CAMTA1: variants seen among roughly 807,000 people sequenced by gnomAD.
CAMTA1 encodes calmodulin-binding transcription activator 1.
Under a neutral mutation model 170.9 loss-of-function variants are expected in CAMTA1, and 27 were observed. That is an observed-to-expected ratio of 0.16 (90% CI 0.12 to 0.22). The LOEUF is 0.22. Ranked by LOEUF, CAMTA1 falls within the 10% of genes least tolerant of loss-of-function variation. CAMTA1 has a pLI of 1.00. For missense variants in CAMTA1, 1,619 were observed against 2,217.2 expected, an observed-to-expected ratio of 0.73 and a Z score of 5.42; for synonymous variants, 833 against 891.5, an observed-to-expected ratio of 0.93 and a Z score of 1.17.
At chr1:7,285,092 A>G (rs1228211678) in intron 5 of CAMTA1, among the ~76,000 whole-genome samples, 2 of 152,204 alleles carry the variant, frequency 1.3e-5, no homozygotes, top group Non-Finnish European at 2.9e-5. Context: ...CCCAGTGGCC[A>G]TGCGTCCTAG....
At chr1:7,550,413 C>T (rs892862802) in intron 6 of CAMTA1, among the ~76,000 whole-genome samples, 1 of 152,064 alleles carries the variant, frequency 6.6e-6, no homozygotes, top group East Asian at 2.0e-4. Context: ...CCCAGGGCCT[C>T]CCACTGCCTG....
At position 7,010,443 on chromosome 1, in the gene CAMTA1, A is replaced by AC. The variant is rs1699620522; in HGVS notation, c.235-80861_235-80860insC. 1.3e-5 allele frequency among the ~76,000 whole-genome samples: 2 copies of AC among 152,188 alleles called. No individual in the cohort carries two copies. The highest frequency in any genetic ancestry group is 4.8e-5 in the African/African-American group (2 of 41,460). On this transcript the variant is annotated intron_variant, in intron 3 of 22. Transcript: ENST00000303635. This position sits in a 1 kb window ranked among gnomAD's most constrained non-coding sequence, Gnocchi z 4.4. The stretch of plus-strand genomic sequence containing the variant: ...TCACTCCCAGGTCATGTCAGTCCTG[A>AC]GGATGCCAGGAGACGCTTTCTGAAC...
At chr1:7,523,945 G>A (rs1438570874) in intron 6 of CAMTA1, among the ~76,000 whole-genome samples, 1 of 150,498 alleles carries the variant, frequency 6.6e-6, no homozygotes, top group Non-Finnish European at 1.5e-5. Context: ...GCTCATGCCT[G>A]TAATCCCAGC....
intron 4 of CAMTA1, among the ~76,000 whole-genome samples, chr1:7,140,161 C>T (rs1041158242): frequency 1.3e-5 from 2 of 152,114 alleles, no homozygotes; most frequent in African/African-American, 2.4e-5. Context: ...AGCCAGGATT[C>T]GAACCAGGGC....
intron 5 of CAMTA1, among the ~76,000 whole-genome samples, chr1:7,330,612 C>T (rs2082966803): frequency 6.6e-6 from 1 of 152,168 alleles, no homozygotes; most frequent in Non-Finnish European, 1.5e-5. Flanking sequence ...TGAGTTGACC[C>T]CAGTCTCGGA....
Position 7,463,044 on chromosome 1 carries a change from T to C in CAMTA1, c.439-4786T>C, listed in dbSNP as rs1309771350. Among the ~76,000 whole-genome samples the C allele has an allele frequency of 6.6e-6, 1 of 152,054 alleles. No homozygotes were observed. Among genetic ancestry groups the C allele is most frequent in the African/African-American group, 2.4e-5 (1 of 41,392 alleles). On this transcript the variant is annotated intron_variant, in intron 5 of 22. Coordinates refer to ENST00000303635, the MANE Select transcript of CAMTA1 (RefSeq NM_015215.4). The surrounding 1 kb of genome is among the most constrained non-coding windows in gnomAD (Gnocchi z 4.7). ...AGGCAGCACAGGGAGGTTGTCCTGG[T>C]GAATGGCACTGTGTGCGGCAGAGCC...
chr1:7,144,725 A>G lies in CAMTA1; in HGVS notation c.302+53354A>G, dbSNP rs1646085081. ...TTCCTTCTACCAGTCCTGTCTGGTAATCTCTATAAGCATCCCAAACTAGTA... is the reference window on the plus strand; with the variant it reads ...TTCCTTCTACCAGTCCTGTCTGGTAGTCTCTATAAGCATCCCAAACTAGTA... On this transcript the variant is annotated intron_variant, in intron 4 of 22. Coordinates refer to ENST00000303635, the MANE Select transcript of CAMTA1 (RefSeq NM_015215.4). This position sits in a 1 kb window ranked among gnomAD's most constrained non-coding sequence, Gnocchi z 4.0. 6.6e-6 allele frequency among the ~76,000 whole-genome samples: 1 copy of G among 152,214 alleles called. No homozygotes were observed. The highest frequency in any genetic ancestry group is 1.9e-4 in the East Asian group (1 of 5,200).
intron 6 of CAMTA1, among the ~76,000 whole-genome samples, chr1:7,556,391 G>A (rs1220050340): frequency 3.9e-5 from 6 of 152,206 alleles, no homozygotes; most frequent in African/African-American, 1.4e-4. Context: ...AGAGGTCAAA[G>A]CATCAGAAAT....
At chr1:7,198,902 C>T (rs1283692397) in intron 4 of CAMTA1, among the ~76,000 whole-genome samples, 1 of 152,178 alleles carries the variant, frequency 6.6e-6, no homozygotes, top group African/African-American at 2.4e-5. Flanking sequence ...GGCAGGAGCA[C>T]ACAGGCCCCC....
Position 7,364,447 on chromosome 1 carries a change from CTT to C in CAMTA1, c.439-103370_439-103369del, listed in dbSNP as rs5772274. Among the ~76,000 whole-genome samples, 325 of 144,376 alleles carry C rather than the reference CTT, an allele frequency of 2.3e-3. 3 individuals are homozygous for C. Among genetic ancestry groups the C allele is most frequent in the Non-Finnish European group, 1.8e-3 (117 of 66,248 alleles). The allele number at this position is 144,376 out of a possible 152,430, so 94.7% of individuals were successfully genotyped here. On this transcript the variant is annotated intron_variant, in intron 5 of 22. Coordinates refer to ENST00000303635, the MANE Select transcript of CAMTA1 (RefSeq NM_015215.4). The stretch of plus-strand genomic sequence containing the variant: ...GGGGCACACAGGTTCCCTTGTGACT[CTT>C]TTTTTTTTTTTTCTGAGACAAGGAC...
At chr1:7,202,502 T>A (rs1455338258) in intron 4 of CAMTA1, among the ~76,000 whole-genome samples, 1 of 152,206 alleles carries the variant, frequency 6.6e-6, no homozygotes, top group Non-Finnish European at 1.5e-5. Context: ...CGATGTTAAG[T>A]TTTCTGACCC....
At chr1:7,220,233 T>C (rs1263365446) in intron 4 of CAMTA1, among the ~76,000 whole-genome samples, 2 of 152,206 alleles carry the variant, frequency 1.3e-5, no homozygotes. Context: ...GTGAGATGAA[T>C]ACATGGAGTA....
intron 5 of CAMTA1, among the ~76,000 whole-genome samples, chr1:7,329,976 G>A (rs2082921314): frequency 6.6e-6 from 1 of 152,120 alleles, no homozygotes; most frequent in Admixed American, 6.5e-5. Flanking sequence ...GGGTAACAAC[G>A]GCCACAGATA....
chr1:7,039,507 C>T (rs888231995), intron 3 of CAMTA1, among the ~76,000 whole-genome samples: 2 of 78,254 alleles, frequency 2.6e-5, no homozygotes, highest in Non-Finnish European at 4.9e-5. Context: ...GAACCATTGT[C>T]CAAGAGCCTC....
chr1:7,466,275 A>G (rs924704419), intron 5 of CAMTA1, among the ~76,000 whole-genome samples: 2 of 152,258 alleles, frequency 1.3e-5, no homozygotes, highest in Non-Finnish European at 2.9e-5. Flanking sequence ...TTTCTTAATA[A>G]TAAATACATT....
intron 4 of CAMTA1, among the ~76,000 whole-genome samples, chr1:7,160,311 A>T (rs1647133318): frequency 6.6e-6 from 1 of 151,514 alleles, no homozygotes; most frequent in South Asian, 2.1e-4. Flanking sequence ...CTTCAGCTTT[A>T]CTCCCCCTGT....
At chr1:7,397,055 G>C (rs541679125) in intron 5 of CAMTA1, among the ~76,000 whole-genome samples, 1 of 152,102 alleles carries the variant, frequency 6.6e-6, no homozygotes. Context: ...TTTTGGAATC[G>C]TTTGGAAAAC....
At chr1:7,125,770 A>G (rs1332758131) in intron 4 of CAMTA1, among the ~76,000 whole-genome samples, 2 of 152,124 alleles carry the variant, frequency 1.3e-5, no homozygotes, top group Non-Finnish European at 2.9e-5. Flanking sequence ...GGCCTCATAC[A>G]TCACCCAACC....
intron 5 of CAMTA1, among the ~76,000 whole-genome samples, chr1:7,384,620 A>C (rs932109282): frequency 8.5e-5 from 13 of 152,236 alleles, no homozygotes; most frequent in African/African-American, 3.1e-4. Context: ...TAGATAAATC[A>C]ATCTTTGCCA....
Sources: allele counts gnomAD v4.1 joint callset (sites outside exome capture counted in the v4.1 genomes callset), GRCh38; gene constraint gnomAD v4.1.1; non-coding constraint Gnocchi (gnomAD v3.1); transcripts MANE v1.5; gene names NCBI Gene and HGNC (gene_info 2026-07-23, HGNC 2026-07-21).